The following AFG1L variants were observed in gnomAD, a reference collection of about 807,000 sequenced individuals.
AFG1L encodes the protein AFG1 like ATPase.
In AFG1L, 53 loss-of-function variants were observed where a neutral mutation model predicts 62.2. The ratio of observed to expected loss-of-function variants is 0.85; its 90% CI spans 0.68 to 1.07. The LOEUF (loss-of-function observed/expected upper bound fraction) is 1.07. AFG1L is among the 50% of genes least tolerant of loss of function. The pLI is 0.00. For synonymous variants in AFG1L, 228 were observed against 210.3 expected, an observed-to-expected ratio of 1.08 and a Z score of -0.73; for missense variants, 555 against 590.5, an observed-to-expected ratio of 0.94 and a Z score of 0.62.
In AFG1L at chr6:108,500,178, G is replaced by GTA. The variant is rs1295907694; in HGVS notation, c.1063-10033_1063-10032insAT. Among the ~76,000 whole-genome samples, 215 of 143,900 alleles carry GTA rather than the reference G, an allele frequency of 1.5e-3. 1 individual carries two copies. Among genetic ancestry groups the GTA allele is most frequent in the African/African-American group, 5.6e-3 (208 of 37,252 alleles). 94.4% of individuals were successfully genotyped at this position (143,900 alleles called of 152,430 possible). A position where few individuals can be genotyped will look rare whatever the true frequency, so the allele number is the denominator to read the frequency against. On this transcript the variant is annotated intron_variant, in intron 10 of 12. Coordinates refer to ENST00000368977, the MANE Select transcript of AFG1L (RefSeq NM_145315.5). ...AGTATTCCATGGTGCGTGCGTGTGT[G>GTA]TGTGTGTGTGTGTGTGTGTGTGTGT...
chr6:108,306,802 G>A (rs1351891018), intron 1 of AFG1L, among the ~76,000 whole-genome samples: 1 of 152,066 alleles, frequency 6.6e-6, no homozygotes, highest in African/African-American at 2.4e-5. Flanking sequence ...CTCTGAAAAT[G>A]TGGCCCCCAT....
intron 5 of AFG1L, among the ~76,000 whole-genome samples, chr6:108,357,779 G>A (rs1779348818): frequency 6.6e-6 from 1 of 152,144 alleles, no homozygotes; most frequent in Non-Finnish European, 1.5e-5. Flanking sequence ...CTGTTCTTCT[G>A]TGTTTTATAA....
At chr6:108,396,847 T>A (rs950715182) in intron 6 of AFG1L, among the ~76,000 whole-genome samples, 1 of 152,096 alleles carries the variant, frequency 6.6e-6, no homozygotes. Context: ...AGGTATGAGA[T>A]TATTTGGTAA....
At chr6:108,435,615 GAGA>G (rs1042551643) in intron 7 of AFG1L, among the ~76,000 whole-genome samples, 1 of 152,218 alleles carries the variant, frequency 6.6e-6, no homozygotes, top group Admixed American at 6.5e-5. Flanking sequence ...GAGGCCAGGA[GAGA>G]AGATGTTTCC....
chr6:108,450,201 A>G (rs572294204), intron 8 of AFG1L, among the ~76,000 whole-genome samples: 2 of 152,334 alleles, frequency 1.3e-5, no homozygotes, highest in African/African-American at 2.4e-5. Context: ...TGGTTGAACT[A>G]GTTTACATTC....
At chr6:108,323,156 G>T (rs1193721322) in intron 1 of AFG1L, among the ~76,000 whole-genome samples, 1 of 152,162 alleles carries the variant, frequency 6.6e-6, no homozygotes, top group Non-Finnish European at 1.5e-5. Context: ...TGGTGCTTAA[G>T]AACCAGAATT....
At chr6:108,456,944 G>A (rs917813870) in intron 8 of AFG1L, among the ~76,000 whole-genome samples, 9 of 152,072 alleles carry the variant, frequency 5.9e-5, no homozygotes, top group East Asian at 1.9e-4. Flanking sequence ...AGGCTATACC[G>A]TACACCACAA....
intron 7 of AFG1L, among the ~76,000 whole-genome samples, chr6:108,410,230 CT>C (rs1782036280): frequency 6.6e-6 from 1 of 151,984 alleles, no homozygotes; most frequent in African/African-American, 2.4e-5. Flanking sequence ...TAGCTTGAAC[CT>C]GGGGGGCAGA....
chr6:108,448,994 T>G (rs984340845), intron 8 of AFG1L, among the ~76,000 whole-genome samples: 1 of 151,540 alleles, frequency 6.6e-6, no homozygotes, highest in East Asian at 1.9e-4. Flanking sequence ...ACAAAAAATT[T>G]AAAAAATAGT....
chr6:108,356,018 T>A (rs1480009557), intron 4 of AFG1L, among the ~76,000 whole-genome samples: 1 of 152,142 alleles, frequency 6.6e-6, no homozygotes, highest in Admixed American at 6.5e-5. Context: ...TAAGGGCCAA[T>A]AAAAAAATGT....
chr6:108,411,528 A>T, intron 7 of AFG1L, among the ~76,000 whole-genome samples: 1 of 152,330 alleles, frequency 6.6e-6, no homozygotes, highest in African/African-American at 2.4e-5. Flanking sequence ...CTGACACCTC[A>T]TACAGCTGGG....
chr6:108,499,541 C>A (rs1057172994), intron 10 of AFG1L, among the ~76,000 whole-genome samples: 2 of 148,770 alleles, frequency 1.3e-5, no homozygotes, highest in Admixed American at 6.7e-5. Context: ...CATTTTGAGA[C>A]CAGCCTTGGC....
intron 10 of AFG1L, among the ~76,000 whole-genome samples, chr6:108,509,324 T>C (rs954574008): frequency 6.6e-6 from 1 of 152,244 alleles, no homozygotes; most frequent in Non-Finnish European, 1.5e-5. Context: ...GGAGCTCTCA[T>C]CTGCTCCTGC....
chr6:108,380,548 C>T (rs73515979), intron 6 of AFG1L, among the ~76,000 whole-genome samples: 3,979 of 152,292 alleles, frequency 0.026, 169 homozygotes, highest in African/African-American at 0.092. Flanking sequence ...CCAGCACCTA[C>T]TGCTGAAGCA....
At chr6:108,386,842 G>A (rs1227609120) in intron 6 of AFG1L, among the ~76,000 whole-genome samples, 3 of 152,110 alleles carry the variant, frequency 2.0e-5, no homozygotes, top group Non-Finnish European at 4.4e-5. Context: ...TCTAAGTAGA[G>A]CATGAAAAGC....
At chr6:108,310,697 C>A (rs1777371167) in intron 1 of AFG1L, among the ~76,000 whole-genome samples, 1 of 151,854 alleles carries the variant, frequency 6.6e-6, no homozygotes, top group African/African-American at 2.4e-5. Context: ...GCCTCAGCCT[C>A]CGGGGTAGCT....
At chr6:108,466,755 G>T (rs12181609) in intron 8 of AFG1L, among the ~76,000 whole-genome samples, 3 of 19,650 alleles carry the variant, frequency 1.5e-4, no homozygotes, top group Non-Finnish European at 2.5e-4. Flanking sequence ...AAATATATTT[G>T]TTAAAATATA....
chr6:108,374,477 G>A (rs897543122), intron 6 of AFG1L, among the ~76,000 whole-genome samples: 3 of 152,106 alleles, frequency 2.0e-5, no homozygotes, highest in Non-Finnish European at 2.9e-5. Context: ...GAAGTCTTAC[G>A]TTTAAATCTT....
At chr6:108,396,709 T>C (rs1246426876) in intron 6 of AFG1L, among the ~76,000 whole-genome samples, 1 of 152,138 alleles carries the variant, frequency 6.6e-6, no homozygotes, top group Non-Finnish European at 1.5e-5. Context: ...CAGGCTGGTC[T>C]TGAACTCCTG....
Sources: allele counts gnomAD v4.1 joint callset (sites outside exome capture counted in the v4.1 genomes callset), GRCh38; gene constraint gnomAD v4.1.1; transcripts MANE v1.5; gene names NCBI Gene and HGNC (gene_info 2026-07-23, HGNC 2026-07-21).